OGFOD3: variants seen among roughly 807,000 people sequenced by gnomAD.
OGFOD3 encodes 2-oxoglutarate and iron dependent oxygenase domain containing 3.
Under a neutral mutation model 39.8 loss-of-function variants are expected in OGFOD3, and 35 were observed. That is an observed-to-expected ratio of 0.88 (90% CI 0.67 to 1.17). The LOEUF (loss-of-function observed/expected upper bound fraction) is 1.17. Ranked by LOEUF, OGFOD3 falls within the 50% of genes most tolerant of loss-of-function variation. The pLI, the probability that OGFOD3 is intolerant of heterozygous loss-of-function variation, is 0.00. For synonymous variants in OGFOD3, 200 were observed against 192.0 expected, an observed-to-expected ratio of 1.04 and a Z score of -0.34; for missense variants, 438 against 454.5, an observed-to-expected ratio of 0.96 and a Z score of 0.33.
chr17:82,395,092 T>C (rs1398781101), intron 8 of OGFOD3, among the ~76,000 whole-genome samples: 2 of 152,182 alleles, frequency 1.3e-5, no homozygotes, highest in Admixed American at 1.3e-4. Flanking sequence ...TATGCAATGG[T>C]AGGATCTTGG....
chr17:82,397,405 G>A (rs1177426290), intron 8 of OGFOD3, among the ~76,000 whole-genome samples: 1 of 122,574 alleles, frequency 8.2e-6, no homozygotes. Context: ...AGGCAGCGGG[G>A]GGGGGGGGGT....
At chr17:82,394,150 C>T (rs1381106111) in intron 8 of OGFOD3, among the ~76,000 whole-genome samples, 2 of 151,996 alleles carry the variant, frequency 1.3e-5, no homozygotes, top group Admixed American at 1.3e-4. Context: ...CCACCACGCC[C>T]AGCTAATTTT....
intron 5 of OGFOD3, among the ~76,000 whole-genome samples, chr17:82,405,765 C>T (rs1387794900): frequency 6.6e-6 from 1 of 151,856 alleles, no homozygotes; most frequent in African/African-American, 2.4e-5. Flanking sequence ...TCCTGGCCAA[C>T]ATGGCACAAC....
intron 8 of OGFOD3, chr17:82,394,605 C>T: frequency 2.3e-6 from 3 of 1,310,576 alleles, no homozygotes; most frequent in South Asian, 1.4e-5. Context: ...GGGCGGTGCA[C>T]ACCCTACACC....
chr17:82,406,426 G>A lies in OGFOD3; in HGVS notation c.480C>T (p.Asn160=), dbSNP rs1315096975. 4 of 1,613,938 alleles carry A rather than the reference G, an allele frequency of 2.5e-6. No individual in the cohort carries two copies. Among genetic ancestry groups the A allele is most frequent in the Non-Finnish European group, 3.4e-6 (4 of 1,180,000 alleles). Residue 160 remains asparagine, a synonymous_variant, in exon 5 of 9, where the codon AAC becomes AAT. Transcript: ENST00000313056. This position sits in a 1 kb window ranked among gnomAD's most constrained non-coding sequence, Gnocchi z 5.2. ...CATGCTGCAGCACTCACCTGTACAG[G>A]TTCACAAAGTGCTTCCCGACAGACA... is the stretch of plus-strand genomic sequence containing the variant. ...GALSVGKHFV[N]LYRYFGDKIQ...
chr17:82,397,844 CTT>C (rs1178281174), intron 8 of OGFOD3, among the ~76,000 whole-genome samples: 1 of 152,026 alleles, frequency 6.6e-6, no homozygotes, highest in Non-Finnish European at 1.5e-5. Context: ...TTGCGAGTCT[CTT>C]TGAGAAGGGT....
Position 82,415,262 on chromosome 17 carries a change from G to A in OGFOD3, c.304+136C>T, listed in dbSNP as rs2053012995. 3.4e-6 allele frequency: 3 copies of A among 873,878 alleles called. No homozygotes were observed. The highest frequency in any genetic ancestry group is 5.4e-6 in the Non-Finnish European group (3 of 550,708). 54.1% of individuals were successfully genotyped at this position (873,878 alleles called of 1,614,324 possible). ...TGCACTCCCAGTCAGACGTGGACTAGCCAGCCTGCAGGAGGGGAGAGGTTG... is the reference window on the plus strand; with the variant it reads ...TGCACTCCCAGTCAGACGTGGACTAACCAGCCTGCAGGAGGGGAGAGGTTG... On this transcript the variant is annotated intron_variant, in intron 2 of 8. Coordinates refer to ENST00000313056, the MANE Select transcript of OGFOD3 (RefSeq NM_024648.3). The surrounding 1 kb of genome is among the most constrained non-coding windows in gnomAD (Gnocchi z 5.3).
intron 8 of OGFOD3, chr17:82,396,504 C>T (rs2052676221): frequency 6.6e-6 from 1 of 152,174 alleles, no homozygotes; most frequent in Non-Finnish European, 1.5e-5. Context: ...TGTATGACAT[C>T]AAATCACAGG....
At chr17:82,403,819 C>A (rs773206644) in intron 7 of OGFOD3, 118 bp downstream of exon 7, 3 of 1,393,858 alleles carry the variant, frequency 2.2e-6, no homozygotes, top group Non-Finnish European at 2.9e-6. Flanking sequence ...ACCCTGCCCA[C>A]GGGCACGCTC....
chr17:82,394,350 C>A, intron 8 of OGFOD3: 1 of 1,567,204 alleles, frequency 6.4e-7, no homozygotes, highest in Non-Finnish European at 8.6e-7. Context: ...TAAAGCAGGA[C>A]TCAGCACGGC....
intron 8 of OGFOD3, chr17:82,396,709 T>C (rs2052679094): frequency 6.6e-6 from 1 of 152,268 alleles, no homozygotes; most frequent in South Asian, 2.1e-4. Context: ...AGAAAACGCC[T>C]GTCTTGTGCT....
chr17:82,414,326 T>TG lies in OGFOD3; in HGVS notation c.304+1071dup, dbSNP rs1444459579. Among the ~76,000 whole-genome samples the TG allele has an allele frequency of 3.3e-5, 5 of 152,174 alleles. No homozygotes were observed. In the East Asian group the frequency reaches 9.6e-4, roughly 29 times the overall value. ...TGGCCCATTTTTTATTTTGTAGAGA[T>TG]GGGGTCTCACTGTGTTTCCCAGTCT... On this transcript the variant is annotated intron_variant, in intron 2 of 8. Transcript: ENST00000313056.
intron 4 of OGFOD3, among the ~76,000 whole-genome samples, chr17:82,407,137 G>T (rs574730761): frequency 6.6e-5 from 10 of 152,048 alleles, no homozygotes; most frequent in African/African-American, 1.9e-4. Flanking sequence ...GCCTCCCAAG[G>T]AGCTGTAATC....
At chr17:82,393,766 G>A (rs1319588958) in intron 8 of OGFOD3, 2 of 152,232 alleles carry the variant, frequency 1.3e-5, no homozygotes, top group East Asian at 1.9e-4. Flanking sequence ...GCTCTCTACT[G>A]CTGGCAGACG....
At chr17:82,394,484 T>C (rs778138527) in intron 8 of OGFOD3, 1 of 1,613,992 alleles carries the variant, frequency 6.2e-7, no homozygotes, top group Non-Finnish European at 8.5e-7. Context: ...GCAGCTTCAC[T>C]GGCTCTCGGT....
At chr17:82,394,624 A>G (rs911665137) in intron 8 of OGFOD3, 2 of 1,176,970 alleles carry the variant, frequency 1.7e-6, no homozygotes, top group African/African-American at 1.5e-5. Flanking sequence ...CCCTCCAGAG[A>G]GAGGCCTGGC....
At chr17:82,395,269 C>T (rs1431279223) in intron 8 of OGFOD3, among the ~76,000 whole-genome samples, 1 of 152,108 alleles carries the variant, frequency 6.6e-6, no homozygotes, top group African/African-American at 2.4e-5. Flanking sequence ...CGAGCTCAAA[C>T]GATCTGCCTG....
At chr17:82,393,763 A>G (rs7503819) in intron 8 of OGFOD3, 83,041 of 151,994 alleles carry the variant, frequency 0.55, 22,865 homozygotes, top group South Asian at 0.7. Context: ...TCTGCTCTCT[A>G]CTGCTGGCAG....
At chr17:82,399,562 G>A (rs954967738) in intron 7 of OGFOD3, among the ~76,000 whole-genome samples, 7 of 152,298 alleles carry the variant, frequency 4.6e-5, no homozygotes, top group African/African-American at 7.2e-5. Context: ...CCACCGCACC[G>A]TCCTCTCCAG....
Sources: gnomAD v4.1 joint callset for allele counts (sites outside exome capture counted in the v4.1 genomes callset) on GRCh38, gnomAD v4.1.1 for gene constraint, Gnocchi (gnomAD v3.1) non-coding constraint, MANE v1.5 for transcripts, NCBI Gene and HGNC (gene_info 2026-07-23, HGNC 2026-07-21) for gene names.